The following NTM variants were observed in gnomAD, a reference collection of about 807,000 sequenced individuals.
NTM encodes the protein IgLON family member 2.
NTM carries 13 observed loss-of-function variants against 42.1 expected under a neutral mutation model. The observed-to-expected ratio is 0.31, with a 90% CI of 0.20 to 0.49. NTM has a LOEUF of 0.49. Among genes scored for constraint, NTM ranks in the 20% least tolerant of loss-of-function variants. The pLI is 0.99. For synonymous variants in NTM, 187 were observed against 179.2 expected (o/e 1.04, Z -0.35); for missense variants, 373 against 452.8 (o/e 0.82, Z 1.60).
intron 1 of NTM, among the ~76,000 whole-genome samples, chr11:131,380,505 C>G (rs1942540628): frequency 6.6e-6 from 1 of 152,082 alleles, no homozygotes; most frequent in Non-Finnish European, 1.5e-5. Flanking sequence ...GCTACCGTGC[C>G]CAACTGAGTC....
chr11:131,528,477 C>T (rs548397273), intron 1 of NTM, among the ~76,000 whole-genome samples: 6 of 152,306 alleles, frequency 3.9e-5, no homozygotes, highest in East Asian at 3.9e-4. Context: ...TGTTAAGAAA[C>T]TTTCACAGGT....
At chr11:131,648,948 T>G (rs970085364) in intron 1 of NTM, among the ~76,000 whole-genome samples, 1 of 152,140 alleles carries the variant, frequency 6.6e-6, no homozygotes, top group African/African-American at 2.4e-5. Flanking sequence ...TTACATGAAT[T>G]CAAAGGTAAA....
intron 1 of NTM, among the ~76,000 whole-genome samples, chr11:131,505,156 C>T (rs2047334150): frequency 6.6e-6 from 1 of 151,898 alleles, no homozygotes; most frequent in South Asian, 2.1e-4. Flanking sequence ...ATTACCTGTC[C>T]CACAGGAGTG....
chr11:131,756,957 T>C (rs2083424455), intron 1 of NTM, among the ~76,000 whole-genome samples: 1 of 152,216 alleles, frequency 6.6e-6, no homozygotes, highest in Non-Finnish European at 1.5e-5. Context: ...GATCCAGCAA[T>C]TTTATGATTC....
At chr11:131,758,703 C>T (rs958506998) in intron 1 of NTM, among the ~76,000 whole-genome samples, 5 of 152,084 alleles carry the variant, frequency 3.3e-5, no homozygotes, top group Non-Finnish European at 5.9e-5. Flanking sequence ...AATGATTCTC[C>T]TGTCTCTGCC....
chr11:131,967,481 A>G (rs2062985375), intron 2 of NTM, among the ~76,000 whole-genome samples: 1 of 152,176 alleles, frequency 6.6e-6, no homozygotes, highest in Admixed American at 6.5e-5. Flanking sequence ...TGGCCCTGGG[A>G]AGGCCAAACA....
intron 1 of NTM, among the ~76,000 whole-genome samples, chr11:131,618,554 C>G (rs528850896): frequency 6.6e-6 from 1 of 152,270 alleles, no homozygotes; most frequent in East Asian, 1.9e-4. Context: ...CCGGTGGGAG[C>G]AGCGTTTTAA....
At chr11:131,670,267 A>G (rs1023835333) in intron 1 of NTM, among the ~76,000 whole-genome samples, 1 of 152,122 alleles carries the variant, frequency 6.6e-6, no homozygotes, top group African/African-American at 2.4e-5. Flanking sequence ...CGGAGGTTTT[A>G]AGCAAAATGA....
chr11:132,030,823 TAGTC>T (rs1195049807), intron 2 of NTM, among the ~76,000 whole-genome samples: 1 of 152,182 alleles, frequency 6.6e-6, no homozygotes, highest in Non-Finnish European at 1.5e-5. Flanking sequence ...ATCACTGAAT[TAGTC>T]AGCTAGTGCC....
At chr11:131,468,871 G>A (rs73588732) in intron 1 of NTM, among the ~76,000 whole-genome samples, 6,562 of 152,298 alleles carry the variant, frequency 0.043, 455 homozygotes, top group African/African-American at 0.15. Flanking sequence ...GGGTGAAAAG[G>A]GGCAGGTGGT....
At chr11:131,777,904 G>A (rs751353669) in intron 1 of NTM, among the ~76,000 whole-genome samples, 10 of 152,164 alleles carry the variant, frequency 6.6e-5, no homozygotes, top group Non-Finnish European at 1.3e-4. Context: ...GAGCAAAAAT[G>A]TTTGACCCAA....
chr11:131,545,976 T>C (rs2053887963), intron 1 of NTM, among the ~76,000 whole-genome samples: 1 of 152,190 alleles, frequency 6.6e-6, no homozygotes, highest in Admixed American at 6.5e-5. Flanking sequence ...TTATGGGTAG[T>C]CAGCTTAGAA....
intron 1 of NTM, among the ~76,000 whole-genome samples, chr11:131,783,097 G>T (rs1388594581): frequency 6.6e-6 from 1 of 152,042 alleles, no homozygotes; most frequent in Non-Finnish European, 1.5e-5. Context: ...GCAATCTACA[G>T]AAACACAAAT....
chr11:131,436,473 T>C (rs2135946646), intron 1 of NTM, among the ~76,000 whole-genome samples: 1 of 152,304 alleles, frequency 6.6e-6, no homozygotes, highest in South Asian at 2.1e-4. Flanking sequence ...CTGTTATTGG[T>C]CTACTCAGGG....
At chr11:132,197,684 T>C (rs551844112) in intron 3 of NTM, among the ~76,000 whole-genome samples, 17 of 133,312 alleles carry the variant, frequency 1.3e-4, no homozygotes, top group Non-Finnish European at 2.2e-4. Context: ...GTGTGTGATG[T>C]TCCCCTTCCT....
At chr11:132,210,096 G>A (rs983989418) in intron 3 of NTM, among the ~76,000 whole-genome samples, 1 of 152,114 alleles carries the variant, frequency 6.6e-6, no homozygotes, top group African/African-American at 2.4e-5. Flanking sequence ...CTCTGACCTC[G>A]CAACAAGCAA....
intron 2 of NTM, among the ~76,000 whole-genome samples, chr11:132,057,765 T>C (rs1566047657): frequency 6.6e-6 from 1 of 152,192 alleles, no homozygotes; most frequent in Non-Finnish European, 1.5e-5. Context: ...CCGCGTGTTT[T>C]TTTCTCAACA....
At chr11:132,051,244 T>C (rs1048618710) in intron 2 of NTM, among the ~76,000 whole-genome samples, 4 of 152,212 alleles carry the variant, frequency 2.6e-5, no homozygotes, top group African/African-American at 9.6e-5. Flanking sequence ...TTCTGACTGC[T>C]TCACAGATAT....
At chr11:131,933,540 T>C (rs667007) in intron 2 of NTM, among the ~76,000 whole-genome samples, 121,720 of 152,062 alleles carry the variant, frequency 0.8, 48,977 homozygotes, top group East Asian at 0.95. Context: ...GGTTATGCAG[T>C]CAGTTTCCTT....
Sources: gnomAD v4.1 joint callset for allele counts (sites outside exome capture counted in the v4.1 genomes callset) on GRCh38, gnomAD v4.1.1 for gene constraint, MANE v1.5 for transcripts, NCBI Gene and HGNC (gene_info 2026-07-23, HGNC 2026-07-21) for gene names.